Variants in NRG3 observed in about 807,000 individuals in gnomAD.
NRG3 encodes pro-neuregulin-3, membrane-bound isoform.
Under a neutral mutation model 66.9 loss-of-function variants are expected in NRG3, and 31 were observed. That is an observed-to-expected ratio of 0.46 (90% CI 0.35 to 0.63). The LOEUF is 0.63. Ranked by LOEUF, NRG3 falls within the 20% of genes least tolerant of loss-of-function variation. The pLI is 0.00. For synonymous variants in NRG3, 393 were observed against 359.4 expected, an observed-to-expected ratio of 1.09 and a Z score of -1.06; for missense variants, 910 against 878.9, an observed-to-expected ratio of 1.04 and a Z score of -0.45.
intron 4 of NRG3, among the ~76,000 whole-genome samples, chr10:82,878,314 G>C (rs1842012340): frequency 6.6e-6 from 1 of 152,276 alleles, no homozygotes; most frequent in South Asian, 2.1e-4. Context: ...TGTTGAAGAA[G>C]AAAACCTTCT....
At chr10:82,098,676 G>C (rs911334448) in intron 1 of NRG3, among the ~76,000 whole-genome samples, 4 of 152,100 alleles carry the variant, frequency 2.6e-5, no homozygotes, top group African/African-American at 9.7e-5. Context: ...TTCTGGATAT[G>C]GTTCTTTTTT....
intron 2 of NRG3, among the ~76,000 whole-genome samples, chr10:82,454,048 G>T (rs1469200374): frequency 6.6e-6 from 1 of 152,188 alleles, no homozygotes; most frequent in East Asian, 1.9e-4. Context: ...ATGGCATTGT[G>T]CCTGGCCTAT....
At chr10:82,182,387 C>G (rs1298653457) in intron 1 of NRG3, among the ~76,000 whole-genome samples, 1 of 151,378 alleles carries the variant, frequency 6.6e-6, no homozygotes, top group Non-Finnish European at 1.5e-5. Context: ...GCATTGTTTT[C>G]TTTCTCATTT....
At position 82,954,454 on chromosome 10, in the gene NRG3, C is replaced by T. The variant is rs111238494; in HGVS notation, c.1157+2883C>T. Among the ~76,000 whole-genome samples, 293 of 151,934 alleles carry T rather than the reference C, an allele frequency of 1.9e-3. 4 individuals are homozygous for T. The highest frequency in any genetic ancestry group is 6.9e-3 in the African/African-American group (284 of 41,256). On this transcript the variant is annotated intron_variant, in intron 5 of 8. Transcript: ENST00000372141. The stretch of plus-strand genomic sequence containing the variant: ...TGAAAACAATCTTCAACATCAGATT[C>T]ATTAGGGTAGGCTCAGAGGACTGCA...
chr10:82,824,817 A>G (rs1188519816), intron 3 of NRG3, among the ~76,000 whole-genome samples: 1 of 151,894 alleles, frequency 6.6e-6, no homozygotes, highest in Non-Finnish European at 1.5e-5. Flanking sequence ...CCTGGGCTCA[A>G]GTCATCCCCC....
chr10:82,898,000 G>A (rs1410854025), intron 4 of NRG3, among the ~76,000 whole-genome samples: 1 of 152,160 alleles, frequency 6.6e-6, no homozygotes, highest in African/African-American at 2.4e-5. Flanking sequence ...TTACAGCCCA[G>A]CAACTAGGGA....
intron 1 of NRG3, among the ~76,000 whole-genome samples, chr10:82,349,664 C>T (rs1188464556): frequency 2.0e-5 from 3 of 151,838 alleles, no homozygotes; most frequent in African/African-American, 7.3e-5. Flanking sequence ...CTCCCCCAAC[C>T]TCGCTGCCGC....
At chr10:82,946,796 G>T (rs1849070471) in intron 4 of NRG3, among the ~76,000 whole-genome samples, 1 of 151,966 alleles carries the variant, frequency 6.6e-6, no homozygotes, top group South Asian at 2.1e-4. Context: ...ATATTAAAAG[G>T]TTTATATTGC....
intron 2 of NRG3, among the ~76,000 whole-genome samples, chr10:82,725,891 A>G (rs997875927): frequency 1.3e-5 from 2 of 152,136 alleles, no homozygotes; most frequent in African/African-American, 4.8e-5. Flanking sequence ...ACTGAATTGT[A>G]CTGCCCCTAC....
intron 2 of NRG3, among the ~76,000 whole-genome samples, chr10:82,522,399 C>T (rs1473638876): frequency 6.6e-6 from 1 of 152,122 alleles, no homozygotes; most frequent in African/African-American, 2.4e-5. Flanking sequence ...AATCAACTTG[C>T]ACCACAATAT....
intron 4 of NRG3, among the ~76,000 whole-genome samples, chr10:82,887,265 G>A (rs1842804747): frequency 6.6e-6 from 1 of 152,124 alleles, no homozygotes; most frequent in South Asian, 2.1e-4. Flanking sequence ...CACTTTTAAT[G>A]ATTTTACATA....
At chr10:82,237,418 C>G (rs895126064) in intron 1 of NRG3, among the ~76,000 whole-genome samples, 3 of 152,094 alleles carry the variant, frequency 2.0e-5, no homozygotes, top group African/African-American at 4.8e-5. Flanking sequence ...CCTGCTTATT[C>G]TTACAACAAT....
At chr10:81,899,630 C>G (rs1398543225) in intron 1 of NRG3, among the ~76,000 whole-genome samples, 2 of 152,158 alleles carry the variant, frequency 1.3e-5, no homozygotes, top group Non-Finnish European at 2.9e-5. Context: ...TGTACTTACT[C>G]TCTTTCAATG....
At chr10:82,006,510 A>G (rs990608694) in intron 1 of NRG3, among the ~76,000 whole-genome samples, 3 of 151,906 alleles carry the variant, frequency 2.0e-5, no homozygotes, top group African/African-American at 4.8e-5. Context: ...TTCTGTTTCT[A>G]TCTTTATATC....
At chr10:82,542,101 G>T (rs937327381) in intron 2 of NRG3, among the ~76,000 whole-genome samples, 31 of 152,110 alleles carry the variant, frequency 2.0e-4, no homozygotes, top group African/African-American at 6.0e-4. Flanking sequence ...AGGCCCCAGT[G>T]TGTGGTGTTC....
intron 1 of NRG3, among the ~76,000 whole-genome samples, chr10:82,356,332 A>G (rs1022859296): frequency 1.1e-4 from 16 of 152,252 alleles, no homozygotes; most frequent in Admixed American, 2.6e-4. Flanking sequence ...AAGCATGATC[A>G]GTGAATATCA....
intron 2 of NRG3, among the ~76,000 whole-genome samples, chr10:82,722,830 T>G (rs1345296081): frequency 6.6e-6 from 1 of 152,208 alleles, no homozygotes; most frequent in Non-Finnish European, 1.5e-5. Flanking sequence ...TATTCTCAGT[T>G]TCCAAAGTTG....
chr10:82,494,857 C>T (rs1843470689), intron 2 of NRG3, among the ~76,000 whole-genome samples: 1 of 152,050 alleles, frequency 6.6e-6, no homozygotes, highest in South Asian at 2.1e-4. Flanking sequence ...ATAATATATG[C>T]ATGTGAGACA....
intron 3 of NRG3, among the ~76,000 whole-genome samples, chr10:82,827,537 G>GA (rs1180166117): frequency 2.0e-5 from 3 of 152,062 alleles, no homozygotes; most frequent in Non-Finnish European, 4.4e-5. Flanking sequence ...AGAAATGAAA[G>GA]AAAAAACCCT....
Sources: gnomAD v4.1 joint callset for allele counts (sites outside exome capture counted in the v4.1 genomes callset) on GRCh38, gnomAD v4.1.1 for gene constraint, MANE v1.5 for transcripts, NCBI Gene and HGNC (gene_info 2026-07-23, HGNC 2026-07-21) for gene names.